Variants in PTPRM observed in about 807,000 individuals in gnomAD.
PTPRM encodes protein tyrosine phosphatase receptor type M.
A neutral mutation model predicts 186.7 loss-of-function variants in PTPRM; 47 were observed. The ratio of observed to expected loss-of-function variants is 0.25; its 90% CI spans 0.20 to 0.32. The LOEUF (loss-of-function observed/expected upper bound fraction) is 0.32, where lower values mean the gene tolerates loss of function less well. Among genes scored for constraint, PTPRM ranks in the 10% least tolerant of loss-of-function variants. PTPRM has a pLI of 1.00. For missense variants in PTPRM, 1,494 were observed against 1,865.0 expected, an observed-to-expected ratio of 0.80 and a Z score of 3.66; for synonymous variants, 668 against 674.9, an observed-to-expected ratio of 0.99 and a Z score of 0.16.
intron 7 of PTPRM, among the ~76,000 whole-genome samples, chr18:8,058,990 G>T (rs1415239691): frequency 7.6e-5 from 8 of 104,588 alleles, no homozygotes; most frequent in African/African-American, 2.9e-4. Flanking sequence ...ATTCTGTGAC[G>T]AAAGTCATTG....
intron 7 of PTPRM, among the ~76,000 whole-genome samples, chr18:8,032,585 G>T (rs947496838): frequency 1.3e-5 from 2 of 151,962 alleles, no homozygotes; most frequent in Admixed American, 6.6e-5. Context: ...ATCCCAAAAA[G>T]AATTATGAAG....
intron 7 of PTPRM, among the ~76,000 whole-genome samples, chr18:7,982,147 G>A (rs1017173020): frequency 1.1e-4 from 16 of 151,944 alleles, no homozygotes; most frequent in Admixed American, 4.6e-4. Context: ...CCTTAGAAAC[G>A]TTTCAATGCA....
intron 20 of PTPRM, among the ~76,000 whole-genome samples, chr18:8,313,853 T>C (rs1413457231): frequency 6.6e-6 from 1 of 152,068 alleles, no homozygotes; most frequent in East Asian, 1.9e-4. Flanking sequence ...ACATCCCTTT[T>C]TAAAATATGG....
Position 8,341,551 on chromosome 18 carries a change from G to C in PTPRM, c.2957-1872G>C, listed in dbSNP as rs1419238348. 3.3e-5 allele frequency among the ~76,000 whole-genome samples: 5 copies of C among 152,310 alleles called. No homozygotes were observed. In the East Asian group the frequency reaches 9.7e-4, roughly 29 times the overall value. The stretch of plus-strand genomic sequence containing the variant: ...CCTGTTGGGCCCTGACAAGGGAAGT[G>C]GCTTTGCTCTTCCTGCAGGCACAAG... On this transcript the variant is annotated intron_variant, in intron 22 of 32. Coordinates refer to ENST00000580170, the MANE Select transcript of PTPRM (RefSeq NM_001105244.2).
At chr18:7,759,574 A>G (rs1172725512) in intron 1 of PTPRM, among the ~76,000 whole-genome samples, 2 of 152,172 alleles carry the variant, frequency 1.3e-5, no homozygotes, top group Non-Finnish European at 2.9e-5. Flanking sequence ...TCTTTTTTTA[A>G]ACTTATTTTC....
rs2093042345 is a variant in PTPRM, at chr18:8,152,844, A to G, written c.2300+9065A>G. Among the ~76,000 whole-genome samples the G allele has an allele frequency of 2.0e-5, 3 of 150,850 alleles. No homozygotes were observed. The South Asian group carries it at 6.3e-4, about 32-fold the overall frequency. ...GCAGTTCTTCTGCCTCAGCCTCCCA[A>G]GTAGCTGGGAATATAGGCTCACACC... On this transcript the variant is annotated intron_variant, in intron 14 of 32. Coordinates refer to ENST00000580170, the MANE Select transcript of PTPRM (RefSeq NM_001105244.2).
chr18:8,139,524 A>G (rs1170104034), intron 13 of PTPRM, among the ~76,000 whole-genome samples: 2 of 152,138 alleles, frequency 1.3e-5, no homozygotes, highest in Admixed American at 6.5e-5. Flanking sequence ...CTCTGCTCAG[A>G]ATCCTCCCAA....
At chr18:7,825,267 G>A (rs2145654523) in intron 2 of PTPRM, among the ~76,000 whole-genome samples, 1 of 152,244 alleles carries the variant, frequency 6.6e-6, no homozygotes, top group South Asian at 2.1e-4. Flanking sequence ...ACTACACCAT[G>A]TTGTAAGTGT....
intron 19 of PTPRM, among the ~76,000 whole-genome samples, chr18:8,272,802 T>A (rs1376981576): frequency 5.9e-5 from 9 of 152,168 alleles, no homozygotes; most frequent in Non-Finnish European, 1.3e-4. Flanking sequence ...TTGTTCACAT[T>A]TTCTGTATAC....
intron 7 of PTPRM, among the ~76,000 whole-genome samples, chr18:7,977,685 A>G (rs1180742030): frequency 2.0e-5 from 3 of 152,298 alleles, no homozygotes; most frequent in East Asian, 1.9e-4. Flanking sequence ...CATGTGTAGC[A>G]TCAACTTGGA....
rs117519970 is a variant in PTPRM, at chr18:7,984,052, A to G, written c.1132+28638A>G. ...AGAATATGGTGTGTTCTGGAAAACA[A>G]TGTGTTTTAGTATTCTTTACATAAT... is the stretch of plus-strand genomic sequence containing the variant. On this transcript the variant is annotated intron_variant, in intron 7 of 32. Coordinates refer to ENST00000580170, the MANE Select transcript of PTPRM (RefSeq NM_001105244.2). Among the ~76,000 whole-genome samples the G allele has an allele frequency of 7.3e-3, 1,113 of 152,286 alleles. 8 individuals carry two copies. Among genetic ancestry groups the G allele is most frequent in the Non-Finnish European group, 0.011 (777 of 68,022 alleles).
intron 2 of PTPRM, among the ~76,000 whole-genome samples, chr18:7,790,286 A>G (rs1176021472): frequency 6.6e-6 from 1 of 152,206 alleles, no homozygotes; most frequent in Non-Finnish European, 1.5e-5. Context: ...ACATATTCTC[A>G]GCAAAGCACA....
At chr18:7,758,945 C>A (rs1420604141) in intron 1 of PTPRM, among the ~76,000 whole-genome samples, 1 of 151,660 alleles carries the variant, frequency 6.6e-6, no homozygotes, top group Non-Finnish European at 1.5e-5. Flanking sequence ...TTCAGTACAG[C>A]AAATGGGATG....
rs537396823 is a variant in PTPRM, at chr18:8,120,600, G to A, written c.2167+5773G>A. 3.4e-4 allele frequency among the ~76,000 whole-genome samples: 51 copies of A among 150,872 alleles called. 1 individual carries two copies. The highest frequency in any genetic ancestry group is 4.9e-4 in the Non-Finnish European group (33 of 67,788). ...AACCTCTGCCTCCTGTGTTCAAGCA[G>A]TCCTCCTGCCTCAGCCTCCCAAGTA... On this transcript the variant is annotated intron_variant, in intron 13 of 32. Transcript: ENST00000580170.
chr18:8,146,264 C>T (rs957935456), intron 14 of PTPRM, among the ~76,000 whole-genome samples: 2 of 152,050 alleles, frequency 1.3e-5, no homozygotes, highest in East Asian at 1.9e-4. Flanking sequence ...TCTTGTGATC[C>T]GCCTGCTTGG....
chr18:8,103,269 T>C (rs1795763905), intron 11 of PTPRM, among the ~76,000 whole-genome samples: 1 of 152,238 alleles, frequency 6.6e-6, no homozygotes, highest in Non-Finnish European at 1.5e-5. Flanking sequence ...AGACATTGAC[T>C]TCTCCTCTTC....
chr18:7,772,773 A>G (rs529540671), intron 1 of PTPRM, among the ~76,000 whole-genome samples: 4 of 152,272 alleles, frequency 2.6e-5, no homozygotes, highest in African/African-American at 9.6e-5. Context: ...TCTTCTTGCC[A>G]ACAGGACACA....
At chr18:7,944,709 C>A (rs759578497) in intron 5 of PTPRM, among the ~76,000 whole-genome samples, 30 of 152,268 alleles carry the variant, frequency 2.0e-4, no homozygotes, top group Middle Eastern at 3.4e-3. Flanking sequence ...CATAGCTACC[C>A]TATATTTCCC....
chr18:7,845,132 A>C (rs1037929756), intron 2 of PTPRM, among the ~76,000 whole-genome samples: 3 of 152,182 alleles, frequency 2.0e-5, no homozygotes, highest in African/African-American at 7.2e-5. Flanking sequence ...GATTTTATTA[A>C]GGGCTTTTAT....
Sources: gnomAD v4.1 joint callset for allele counts (sites outside exome capture counted in the v4.1 genomes callset) on GRCh38, gnomAD v4.1.1 for gene constraint, MANE v1.5 for transcripts, NCBI Gene and HGNC (gene_info 2026-07-23, HGNC 2026-07-21) for gene names.